VPS45: variants seen among roughly 807,000 people sequenced by gnomAD.
VPS45 encodes the protein vacuolar protein sorting-associated protein 45.
Under a neutral mutation model 75.9 loss-of-function variants are expected in VPS45, and 35 were observed. That is an observed-to-expected ratio of 0.46 (90% CI 0.35 to 0.61). The LOEUF is 0.61. Among genes scored for constraint, VPS45 ranks in the 20% least tolerant of loss-of-function variants. The probability of loss-of-function intolerance (pLI) is 0.00; values close to 1 mark genes in which losing one functional copy is unlikely to be tolerated. For synonymous variants in VPS45, 220 were observed against 238.2 expected, an observed-to-expected ratio of 0.92 and a Z score of 0.70; for missense variants, 559 against 685.9, an observed-to-expected ratio of 0.81 and a Z score of 2.07.
chr1:150,120,229 T>C (rs1658164688), intron 14 of VPS45, among the ~76,000 whole-genome samples: 1 of 152,230 alleles, frequency 6.6e-6, no homozygotes, highest in Admixed American at 6.5e-5. Context: ...TAGGTCAAAA[T>C]TGATCTCCTG....
In VPS45 at chr1:150,085,675, G is replaced by A. The variant is rs1170427108; in HGVS notation, c.1104+2792G>A. On this transcript the variant is annotated intron_variant, in intron 10 of 14. Transcript: ENST00000644510. ...ACCTTAGATGATAATACGTCATGAA[G>A]CAATGAAATGAGGTTTGTGAGTAGA... Among the ~76,000 whole-genome samples, 3 of 152,008 alleles carry A rather than the reference G, an allele frequency of 2.0e-5. No homozygotes were observed. In the East Asian group the frequency reaches 5.8e-4, roughly 29 times the overall value.
At chr1:150,094,678 A>G (rs1553802715) in intron 13 of VPS45, among the ~76,000 whole-genome samples, 1 of 152,238 alleles carries the variant, frequency 6.6e-6, no homozygotes, top group African/African-American at 2.4e-5. Context: ...GCTAAGTGGG[A>G]AGAATGAACG....
chr1:150,130,024 A>G (rs929522850), intron 14 of VPS45, among the ~76,000 whole-genome samples: 6 of 151,298 alleles, frequency 4.0e-5, no homozygotes, highest in Admixed American at 2.0e-4. Context: ...TATCTGTCTA[A>G]TCTATCTATC....
intron 14 of VPS45, among the ~76,000 whole-genome samples, chr1:150,128,959 T>C (rs1553811572): frequency 7.2e-6 from 1 of 139,152 alleles, no homozygotes; most frequent in Non-Finnish European, 1.5e-5. Context: ...GCCAGGATGG[T>C]CTTGATCTCC....
chr1:150,081,725 G>GT (rs782699158), intron 8 of VPS45, among the ~76,000 whole-genome samples, 159 bp from the exon 9 acceptor site: 5 of 152,036 alleles, frequency 3.3e-5, no homozygotes, highest in Non-Finnish European at 7.4e-5. Flanking sequence ...AATAGTAATG[G>GT]TATTCATCAA....
intron 13 of VPS45, among the ~76,000 whole-genome samples, chr1:150,095,354 C>T (rs893468335): frequency 1.3e-5 from 2 of 152,184 alleles, no homozygotes; most frequent in Non-Finnish European, 2.9e-5. Flanking sequence ...TGGCTCACGC[C>T]TGTAATCCCA....
chr1:150,106,742 T>C (rs900768407), intron 13 of VPS45, among the ~76,000 whole-genome samples: 9 of 152,210 alleles, frequency 5.9e-5, no homozygotes, highest in Non-Finnish European at 1.5e-5. Context: ...ATAATAAATT[T>C]AAAGCCTTTG....
intron 10 of VPS45, among the ~76,000 whole-genome samples, chr1:150,091,148 T>C (rs1444893934): frequency 1.3e-5 from 2 of 152,230 alleles, no homozygotes; most frequent in Non-Finnish European, 2.9e-5. Flanking sequence ...ATAAATTATA[T>C]TACTTTGATC....
In VPS45 at chr1:150,082,811, A is replaced by G. The variant is rs74127419; in HGVS notation, c.1032A>G (p.Glu344=). 8.0e-3 allele frequency: 12,959 copies of G among 1,614,148 alleles called. 523 individuals are homozygous for G. In the African/African-American group the frequency reaches 0.11, roughly 14 times the overall value. The part of the protein sequence containing the change: ...VVGELSRLVS[E]RNLLEVSEVE... ...GAGAACTGTCTCGATTGGTCAGTGAACGGAATCTGCTGGAGGTTTCAGAGG... is the reference window on the plus strand; with the variant it reads ...GAGAACTGTCTCGATTGGTCAGTGAGCGGAATCTGCTGGAGGTTTCAGAGG... Residue 344 remains glutamate (E), a synonymous_variant, in exon 10 of 15, where the codon GAA becomes GAG. Coordinates refer to ENST00000644510, the MANE Select transcript of VPS45 (RefSeq NM_007259.5).
chr1:150,122,294 G>A (rs587615891), intron 14 of VPS45, among the ~76,000 whole-genome samples: 14 of 152,144 alleles, frequency 9.2e-5, no homozygotes, highest in Admixed American at 3.9e-4. Context: ...ACACTCCAGC[G>A]TGGGCGACAG....
chr1:150,123,873 GTTC>G (rs1658365598), intron 14 of VPS45, among the ~76,000 whole-genome samples: 1 of 152,136 alleles, frequency 6.6e-6, no homozygotes, highest in African/African-American at 2.4e-5. Flanking sequence ...TTAGTCTCCA[GTTC>G]TTCTTAAAAC....
chr1:150,141,271 A>G (rs1488963409), intron 14 of VPS45, among the ~76,000 whole-genome samples: 3 of 151,986 alleles, frequency 2.0e-5, no homozygotes, highest in Non-Finnish European at 4.4e-5. Flanking sequence ...CTATTTTTTT[A>G]ATTATTATAA....
chr1:150,070,610 G>T (rs1281064484), intron 2 of VPS45, among the ~76,000 whole-genome samples: 2 of 144,490 alleles, frequency 1.4e-5, no homozygotes, highest in African/African-American at 5.2e-5. Flanking sequence ...GGCCAACATG[G>T]TGAAACCCCG....
intron 14 of VPS45, among the ~76,000 whole-genome samples, chr1:150,139,490 G>T (rs1372714294): frequency 1.3e-5 from 2 of 152,094 alleles, no homozygotes; most frequent in East Asian, 1.9e-4. Flanking sequence ...TGTTTTGGGG[G>T]GATGTTTTTT....
chr1:150,077,663 C>A lies in VPS45; in HGVS notation c.577-6C>A. ...TGCACAAACCATCTTTCTCTCTCAC[C>A]CACAGCAAGTGATAACTAAAGAATA... On this transcript the variant is annotated splice_polypyrimidine_tract_variant and splice_region_variant and intron_variant, in intron 6 of 14. Transcript: ENST00000644510. 1.2e-6 allele frequency: 2 copies of A among 1,601,958 alleles called. No homozygotes were observed. Among genetic ancestry groups the A allele is most frequent in the African/African-American group, 1.3e-5 (1 of 74,796 alleles).
intron 14 of VPS45, among the ~76,000 whole-genome samples, chr1:150,121,874 C>A (rs1050715285): frequency 6.6e-6 from 1 of 152,004 alleles, no homozygotes; most frequent in Non-Finnish European, 1.5e-5. Context: ...ATAAACTTAA[C>A]AAATAGGTAT....
chr1:150,096,959 G>T (rs1433693171), intron 13 of VPS45, among the ~76,000 whole-genome samples: 1 of 149,664 alleles, frequency 6.7e-6, no homozygotes, highest in Non-Finnish European at 1.5e-5. Context: ...ATTAATAGAG[G>T]GCTGGTTACC....
At chr1:150,076,580 C>A (rs2101516852) in intron 4 of VPS45, 1 of 469,928 alleles carries the variant, frequency 2.1e-6, no homozygotes, top group South Asian at 3.2e-5. Flanking sequence ...CATTGGACAG[C>A]AAAGTTCTTT....
At chr1:150,074,016 GTT>G (rs587695099) in intron 3 of VPS45, among the ~76,000 whole-genome samples, 1 of 147,382 alleles carries the variant, frequency 6.8e-6, no homozygotes. Flanking sequence ...TGTTGTTTTT[GTT>G]TTTTTTTTTT....
Sources: gnomAD v4.1 joint callset for allele counts (sites outside exome capture counted in the v4.1 genomes callset) on GRCh38, gnomAD v4.1.1 for gene constraint, MANE v1.5 for transcripts, NCBI Gene and HGNC (gene_info 2026-07-23, HGNC 2026-07-21) for gene names.